TANC1: variants seen among roughly 807,000 people sequenced by gnomAD.
The protein encoded by TANC1 is tetratricopeptide repeat, ankyrin repeat and coiled-coil containing 1.
TANC1 carries 77 observed loss-of-function variants against 149.7 expected under a neutral mutation model. That is an observed-to-expected ratio of 0.51 (90% confidence interval 0.43 to 0.62). The LOEUF (loss-of-function observed/expected upper bound fraction) is 0.62. Among genes scored for constraint, TANC1 ranks in the 20% least tolerant of loss-of-function variants. The probability of loss-of-function intolerance (pLI) is 0.00; values close to 1 mark genes in which losing one functional copy is unlikely to be tolerated. For missense variants in TANC1, 1,985 were observed against 2,321.8 expected, an observed-to-expected ratio of 0.85 and a Z score of 2.98; for synonymous variants, 854 against 925.0, an observed-to-expected ratio of 0.92 and a Z score of 1.39.
rs2058058115 is a variant in TANC1, at chr2:159,198,977, G to A, written c.3168G>A (p.Val1056=). The A allele has an allele frequency of 6.2e-7, 1 of 1,613,454 alleles. No homozygotes were observed. Among genetic ancestry groups the A allele is most frequent in the African/African-American group, 1.3e-5 (1 of 75,014 alleles). Residue 1056 remains valine, a splice_region_variant and synonymous_variant, in exon 19 of 27, where the codon GTG becomes GTA. Coordinates refer to ENST00000263635, the MANE Select transcript of TANC1 (RefSeq NM_033394.3). ...AATCACCTTGCCACTTCTGACAGGT[G>A]GTCCAGTGCTTGCTGGGGATGGAGA... The part of the protein sequence containing the change: ...TAAASMGHSS[V]VQCLLGMEKE...
In TANC1 at chr2:158,999,582, C is replaced by T. The variant is rs566530473; in HGVS notation, c.-125-1498C>T. Among the ~76,000 whole-genome samples the T allele has an allele frequency of 1.4e-4, 21 of 152,164 alleles. No individual in the cohort carries two copies. The South Asian group carries it at 3.5e-3, about 26-fold the overall frequency. ...TCATAAACTGCCTTGCTATTTTGGG[C>T]GTTCTGTTTTTGTTGAGGAGGAAGT... On this transcript the variant is annotated intron_variant, in intron 1 of 26. Transcript: ENST00000263635.
intron 4 of TANC1, among the ~76,000 whole-genome samples, chr2:159,123,783 C>A (rs1423344473): frequency 6.6e-6 from 1 of 152,150 alleles, no homozygotes; most frequent in Non-Finnish European, 1.5e-5. Flanking sequence ...TAAACAGAGA[C>A]AAAGTTCTCT....
chr2:159,216,349 T>A (rs748075092), intron 19 of TANC1, among the ~76,000 whole-genome samples: 3 of 152,160 alleles, frequency 2.0e-5, no homozygotes, highest in Non-Finnish European at 4.4e-5. Context: ...AACAGAGCCA[T>A]CCCAGGCACG....
At chr2:159,089,750 G>A (rs2045330183) in intron 3 of TANC1, among the ~76,000 whole-genome samples, 1 of 152,224 alleles carries the variant, frequency 6.6e-6, no homozygotes, top group Non-Finnish European at 1.5e-5. Context: ...ATCAATGACA[G>A]GACTGTGGCA....
At chr2:159,131,388 T>A (rs1165645252) in intron 4 of TANC1, among the ~76,000 whole-genome samples, 1 of 149,034 alleles carries the variant, frequency 6.7e-6, no homozygotes, top group Admixed American at 6.7e-5. Flanking sequence ...GATTGGGGGG[T>A]CTCACTTTTC....
At chr2:158,979,644 T>G (rs2034078467) in intron 1 of TANC1, among the ~76,000 whole-genome samples, 1 of 152,206 alleles carries the variant, frequency 6.6e-6, no homozygotes, top group South Asian at 2.1e-4. Context: ...TTGTTGTTCT[T>G]GGCTACTGTA....
intron 1 of TANC1, among the ~76,000 whole-genome samples, chr2:158,977,626 T>A (rs2033845605): frequency 6.6e-6 from 1 of 152,020 alleles, no homozygotes; most frequent in Admixed American, 6.6e-5. Context: ...TTTTTTTTTT[T>A]TTTAACTGAT....
Position 159,230,858 on chromosome 2 carries a change from C to T in TANC1, c.5432C>T (p.Pro1811Leu), listed in dbSNP as rs373865790. The T allele has an allele frequency of 1.1e-5, 18 of 1,614,096 alleles. No individual in the cohort carries two copies. Among genetic ancestry groups the T allele is most frequent in the African/African-American group, 2.7e-5 (2 of 74,934 alleles). The change falls in exon 27 of 27, where the codon CCA becomes CTA. Residue 1811 changes from proline (P) to leucine (L), a missense_variant. Physicochemically the swap from Pro to Leu is moderately conservative, Grantham distance 98 (BLOSUM62 -3). Transcript: ENST00000263635. This position sits in a 1 kb window ranked among gnomAD's most constrained non-coding sequence, Gnocchi z 4.4. Reference protein sequence around the residue: ...KELEESKCQIPVHSQENRITK... With the variant: ...KELEESKCQILVHSQENRITK... ...CTAGAAGAAAGCAAGTGCCAAATTC[C>T]AGTCCACTCTCAAGAGAACAGGATA...
At chr2:159,127,568 A>G (rs1302833757) in intron 4 of TANC1, among the ~76,000 whole-genome samples, 9 of 152,274 alleles carry the variant, frequency 5.9e-5, no homozygotes, top group African/African-American at 1.9e-4. Flanking sequence ...ATGCCCATCA[A>G]TGATAAACTA....
chr2:159,218,614 G>A (rs1264652282), intron 20 of TANC1, among the ~76,000 whole-genome samples: 1 of 152,204 alleles, frequency 6.6e-6, no homozygotes, highest in Admixed American at 6.5e-5. Flanking sequence ...GGATGGTGGT[G>A]ATGGGATACC....
chr2:158,977,562 C>T (rs987529159), intron 1 of TANC1, among the ~76,000 whole-genome samples: 7 of 151,726 alleles, frequency 4.6e-5, no homozygotes, highest in East Asian at 1.9e-4. Flanking sequence ...CTGCCCGCCT[C>T]GGCCTCCCAA....
intron 16 of TANC1, among the ~76,000 whole-genome samples, chr2:159,192,280 A>C (rs893323127): frequency 6.6e-6 from 1 of 152,148 alleles, no homozygotes; most frequent in African/African-American, 2.4e-5. Flanking sequence ...TTTTGGCCTT[A>C]TCTCACTATT....
chr2:159,078,916 T>G (rs1476901476), intron 3 of TANC1, among the ~76,000 whole-genome samples: 1 of 152,194 alleles, frequency 6.6e-6, no homozygotes, highest in African/African-American at 2.4e-5. Context: ...GGTTAAATAT[T>G]TTTTTAAAAA....
chr2:159,175,041 G>A lies in TANC1; in HGVS notation c.1592G>A (p.Arg531Gln), dbSNP rs768225368. The A allele has an allele frequency of 4.3e-6, 7 of 1,614,038 alleles. No individual in the cohort carries two copies. The highest frequency in any genetic ancestry group is 2.2e-5 in the East Asian group (1 of 44,886). ...CACAGCATCGCAGCTTTGCTCTGCCGGTCCCATCAGCTGGCCGCCTACAGA... is the reference window on the plus strand; with the variant it reads ...CACAGCATCGCAGCTTTGCTCTGCCAGTCCCATCAGCTGGCCGCCTACAGA... ...FVHSIAALLC[R>Q]SHQLAAYRDL... is the part of the protein sequence containing the mutation. Residue 531 changes from arginine (R) to glutamine (Q), a missense_variant, in exon 12 of 27, where the codon CGG becomes CAG. Transcript: ENST00000263635.
At chr2:159,101,058 G>A (rs1293261151) in intron 4 of TANC1, among the ~76,000 whole-genome samples, 4 of 152,176 alleles carry the variant, frequency 2.6e-5, no homozygotes, top group African/African-American at 7.2e-5. Context: ...TCATGCTCCA[G>A]GGTCGTGCCA....
At chr2:159,072,874 C>G (rs2043281673) in intron 3 of TANC1, among the ~76,000 whole-genome samples, 1 of 152,158 alleles carries the variant, frequency 6.6e-6, no homozygotes, top group South Asian at 2.1e-4. Flanking sequence ...CTTCCTATTC[C>G]CAAATATTCT....
At chr2:159,065,391 C>G (rs1418510833) in intron 2 of TANC1, among the ~76,000 whole-genome samples, 1 of 152,168 alleles carries the variant, frequency 6.6e-6, no homozygotes, top group Non-Finnish European at 1.5e-5. Flanking sequence ...ATTTATTTTG[C>G]AAATGTTTAT....
At chr2:159,136,356 C>G in intron 5 of TANC1, 58 bp downstream of exon 5, 1 of 994,248 alleles carries the variant, frequency 1.0e-6, no homozygotes, top group Admixed American at 1.7e-5. Context: ...AATGACACTT[C>G]ATTTCTGAAT....
chr2:159,231,041 T>G lies in TANC1; in HGVS notation c.*29T>G. Reference sequence around the variant, plus strand: ...TTAAGAAATCCCCATTTGTGGAATTTGGAAACGTGTGTTGACTCCTGGTGG... The same window carrying G: ...TTAAGAAATCCCCATTTGTGGAATTGGGAAACGTGTGTTGACTCCTGGTGG... On this transcript the variant is annotated 3_prime_UTR_variant, in exon 27 of 27. Transcript: ENST00000263635. 1 of 1,511,448 alleles carries G rather than the reference T, an allele frequency of 6.6e-7. No homozygotes were observed. Among genetic ancestry groups the G allele is most frequent in the Non-Finnish European group, 9.0e-7 (1 of 1,112,598 alleles). The allele number at this position is 1,511,448 out of a possible 1,614,324, so 93.6% of individuals were successfully genotyped here.
Sources: gnomAD v4.1 joint callset for allele counts (sites outside exome capture counted in the v4.1 genomes callset) on GRCh38, gnomAD v4.1.1 for gene constraint, Gnocchi (gnomAD v3.1) non-coding constraint, MANE v1.5 for transcripts, NCBI Gene and HGNC (gene_info 2026-07-23, HGNC 2026-07-21) for gene names.